The following ARSB variants were observed in gnomAD, a reference collection of about 807,000 sequenced individuals.
The protein encoded by ARSB is N-acetylgalactosamine-4-sulfatase.
In ARSB, 41 loss-of-function variants were observed where a neutral mutation model predicts 50.9. The ratio of observed to expected loss-of-function variants is 0.81; its 90% CI spans 0.63 to 1.04. The LOEUF is 1.04. ARSB is among the 50% of genes least tolerant of loss of function. ARSB has a pLI of 0.00. For synonymous variants in ARSB, 269 were observed against 284.8 expected (o/e 0.94, Z 0.56); for missense variants, 672 against 693.3 (o/e 0.97, Z 0.35).
rs570750353 is a variant in ARSB at position 78,964,509 on chromosome 5, G to A, written c.597C>T (p.Gly199=). The change falls in exon 3 of 8, where the codon GGC becomes GGT. Residue 199 remains glycine, a synonymous_variant. Transcript: ENST00000264914. ...TTTTATATCCTGTTGCAACTTCTTC[G>A]CCATCTCGAAAATCAAGAGCACATC... ...VTRCALDFRD[G]EEVATGYKNM... 1.4e-5 allele frequency: 22 copies of A among 1,613,908 alleles called. No individual in the cohort carries two copies. In the East Asian group the frequency reaches 1.8e-4, roughly 13 times the overall value.
At chr5:78,787,289 G>A (rs1176931009) in intron 6 of ARSB, among the ~76,000 whole-genome samples, 1 of 152,154 alleles carries the variant, frequency 6.6e-6, no homozygotes, top group Admixed American at 6.5e-5. Flanking sequence ...ACCAGGACTT[G>A]TCAAGCTTAG....
At chr5:78,781,486 CAAT>C (rs985068274) in intron 7 of ARSB, among the ~76,000 whole-genome samples, 4 of 151,956 alleles carry the variant, frequency 2.6e-5, no homozygotes, top group Non-Finnish European at 2.9e-5. Context: ...TGCACCATGA[CAAT>C]GATGGAAGCT....
chr5:78,801,650 G>C (rs1236100768), intron 6 of ARSB, among the ~76,000 whole-genome samples: 1 of 152,152 alleles, frequency 6.6e-6, no homozygotes, highest in African/African-American at 2.4e-5. Context: ...ATCACACTCT[G>C]ACCACATTTC....
At chr5:78,952,118 G>C (rs981494531) in intron 4 of ARSB, among the ~76,000 whole-genome samples, 1 of 152,126 alleles carries the variant, frequency 6.6e-6, no homozygotes, top group Non-Finnish European at 1.5e-5. Context: ...TATTTAAGGT[G>C]ATCCTCATTT....
chr5:78,853,482 C>T (rs572046875), intron 5 of ARSB, among the ~76,000 whole-genome samples: 182 of 152,312 alleles, frequency 1.2e-3, no homozygotes, highest in African/African-American at 4.0e-3. Flanking sequence ...GGGTGCCTCC[C>T]GGTTAGGTTG....
At chr5:78,861,775 A>G (rs998636918) in intron 5 of ARSB, among the ~76,000 whole-genome samples, 2 of 152,172 alleles carry the variant, frequency 1.3e-5, no homozygotes, top group South Asian at 2.1e-4. Context: ...CAATCAGGCA[A>G]GAGAAAGAAA....
chr5:78,903,599 G>A (rs1210650190), intron 4 of ARSB, among the ~76,000 whole-genome samples: 3 of 152,124 alleles, frequency 2.0e-5, no homozygotes, highest in Admixed American at 2.0e-4. Flanking sequence ...TTTCAGCGAG[G>A]CCTTTTGTGG....
At chr5:78,805,553 A>G (rs1049275531) in intron 6 of ARSB, among the ~76,000 whole-genome samples, 3 of 152,210 alleles carry the variant, frequency 2.0e-5, no homozygotes, top group African/African-American at 7.2e-5. Flanking sequence ...CCACAGAGGT[A>G]GGAACCATTT....
intron 4 of ARSB, among the ~76,000 whole-genome samples, chr5:78,905,931 A>C (rs910384311): frequency 2.6e-5 from 3 of 115,572 alleles, no homozygotes; most frequent in Non-Finnish European, 5.6e-5. Context: ...AAAAAAAAAA[A>C]AAAAAAGAGG....
intron 5 of ARSB, among the ~76,000 whole-genome samples, chr5:78,862,004 T>A (rs1746462350): frequency 6.6e-6 from 1 of 152,114 alleles, no homozygotes; most frequent in Non-Finnish European, 1.5e-5. Context: ...ACAACTGAAC[T>A]CCCATTCACA....
At chr5:78,829,861 C>T (rs1190628459) in intron 6 of ARSB, among the ~76,000 whole-genome samples, 1 of 152,124 alleles carries the variant, frequency 6.6e-6, no homozygotes, top group Non-Finnish European at 1.5e-5. Flanking sequence ...TTATGGTAGA[C>T]TCTTTCAAGA....
At chr5:78,861,024 A>C (rs972710876) in intron 5 of ARSB, among the ~76,000 whole-genome samples, 7 of 152,212 alleles carry the variant, frequency 4.6e-5, no homozygotes, top group East Asian at 3.8e-4. Flanking sequence ...GAAATGGATA[A>C]ATTCCTCGAC....
In ARSB at chr5:78,979,586, G is replaced by A. The variant is rs148256170; in HGVS notation, c.312+5351C>T. Among the ~76,000 whole-genome samples the A allele has an allele frequency of 2.4e-3, 364 of 152,284 alleles. 2 individuals carry two copies. The highest frequency in any genetic ancestry group is 8.1e-3 in the African/African-American group (335 of 41,560). On this transcript the variant is annotated intron_variant, in intron 1 of 7. Coordinates refer to ENST00000264914, the MANE Select transcript of ARSB (RefSeq NM_000046.5). ...TTCCTATGGCACCTGGGATTCAAAC[G>A]GGCAATGAGGGAAGCACTGTAGCAG...
chr5:78,853,957 T>C (rs974695691), intron 5 of ARSB, among the ~76,000 whole-genome samples: 3 of 152,256 alleles, frequency 2.0e-5, no homozygotes, highest in Admixed American at 1.3e-4. Flanking sequence ...CCAGGTGCCG[T>C]CTGTCACCCC....
At chr5:78,958,260 AG>A (rs1268661776) in intron 3 of ARSB, among the ~76,000 whole-genome samples, 9 of 152,032 alleles carry the variant, frequency 5.9e-5, no homozygotes, top group Non-Finnish European at 5.9e-5. Flanking sequence ...GTGGGGAGAG[AG>A]GGGGCCCACA....
intron 5 of ARSB, among the ~76,000 whole-genome samples, chr5:78,852,186 C>T (rs1195808400): frequency 6.6e-6 from 1 of 152,178 alleles, no homozygotes; most frequent in Non-Finnish European, 1.5e-5. Flanking sequence ...CATGATTTTG[C>T]AGCGGCTGGT....
At chr5:78,834,510 G>T (rs371084453) in intron 6 of ARSB, among the ~76,000 whole-genome samples, 2 of 149,686 alleles carry the variant, frequency 1.3e-5, no homozygotes, top group African/African-American at 4.9e-5. Flanking sequence ...TTTGTGACTT[G>T]CTTAGCATAA....
rs545427153 is a variant in ARSB, at chr5:78,871,270, C to T, written c.1142+14314G>A. The stretch of plus-strand genomic sequence containing the variant: ...GTAATTTACAGGTTCAATGCCAACC[C>T]CATCAAGCTACCAATGACTTTCTTC... On this transcript the variant is annotated intron_variant, in intron 5 of 7. Coordinates refer to ENST00000264914, the MANE Select transcript of ARSB (RefSeq NM_000046.5). Among the ~76,000 whole-genome samples, 174 of 152,212 alleles carry T rather than the reference C, an allele frequency of 1.1e-3. 2 individuals carry two copies. In the Middle Eastern group the frequency reaches 0.014, roughly 12 times the overall value.
chr5:78,795,223 C>A (rs900344850), intron 6 of ARSB, among the ~76,000 whole-genome samples: 15 of 152,210 alleles, frequency 9.9e-5, no homozygotes, highest in African/African-American at 2.7e-4. Flanking sequence ...AAACTCTATG[C>A]AGCTGCCCAG....
Sources: gnomAD v4.1 joint callset for allele counts (sites outside exome capture counted in the v4.1 genomes callset) on GRCh38, gnomAD v4.1.1 for gene constraint, MANE v1.5 for transcripts, NCBI Gene and HGNC (gene_info 2026-07-23, HGNC 2026-07-21) for gene names.